The following CNTNAP2 variants were observed in gnomAD, a reference collection of about 807,000 sequenced individuals.
CNTNAP2 encodes contactin-associated protein-like 2.
In CNTNAP2, 98 loss-of-function variants were observed where a neutral mutation model predicts 155.2. The observed-to-expected ratio is 0.63, with a 90% CI of 0.54 to 0.75. The LOEUF (loss-of-function observed/expected upper bound fraction) is 0.75. Among genes scored for constraint, CNTNAP2 ranks in the 30% least tolerant of loss-of-function variants. The pLI is 0.00. For synonymous variants in CNTNAP2, 651 were observed against 631.2 expected (o/e 1.03, Z -0.47); for missense variants, 1,727 against 1,688.1 (o/e 1.02, Z -0.40).
chr7:146,975,833 A>G (rs1797899598), intron 3 of CNTNAP2, among the ~76,000 whole-genome samples: 6 of 152,174 alleles, frequency 3.9e-5, no homozygotes, highest in Admixed American at 3.9e-4. Flanking sequence ...AAGTCCCAAA[A>G]TAGTGTTTAA....
At chr7:148,297,604 G>A (rs186420369) in intron 21 of CNTNAP2, among the ~76,000 whole-genome samples, 4 of 152,244 alleles carry the variant, frequency 2.6e-5, no homozygotes, top group Admixed American at 2.6e-4. Context: ...AAAAAAAGTA[G>A]GGGTTTGTTC....
At chr7:148,063,174 A>C (rs1803188621) in intron 15 of CNTNAP2, among the ~76,000 whole-genome samples, 1 of 152,040 alleles carries the variant, frequency 6.6e-6, no homozygotes, top group African/African-American at 2.4e-5. Flanking sequence ...GTGTGGTCCT[A>C]CTGTCTTCTG....
At chr7:146,487,522 A>G (rs1447181111) in intron 1 of CNTNAP2, among the ~76,000 whole-genome samples, 1 of 152,232 alleles carries the variant, frequency 6.6e-6, no homozygotes, top group Non-Finnish European at 1.5e-5. Flanking sequence ...TTTCTTTAAC[A>G]AACAGTTTAG....
At chr7:146,391,135 A>G (rs1267730614) in intron 1 of CNTNAP2, among the ~76,000 whole-genome samples, 1 of 147,954 alleles carries the variant, frequency 6.8e-6, no homozygotes, top group Non-Finnish European at 1.5e-5. Flanking sequence ...TATTTATTAT[A>G]TATTTTATAT....
At chr7:147,144,891 G>A (rs1051388363) in intron 8 of CNTNAP2, among the ~76,000 whole-genome samples, 1 of 152,140 alleles carries the variant, frequency 6.6e-6, no homozygotes, top group Non-Finnish European at 1.5e-5. Flanking sequence ...GGTGTGTGCA[G>A]GAGTACATGC....
At position 146,287,067 on chromosome 7, in the gene CNTNAP2, G is replaced by A. The variant is rs117677338; in HGVS notation, c.97+170094G>A. 9.8e-3 allele frequency among the ~76,000 whole-genome samples: 1,486 copies of A among 152,244 alleles called. 7 individuals are homozygous for A. The highest frequency in any genetic ancestry group is 0.02 in the Middle Eastern group (6 of 294). ...TGCTAAGAGTCACCTAAAAGCAACT[G>A]CAAAATGAATGTGAACTTAAAGTAA... is the stretch of plus-strand genomic sequence containing the variant. On this transcript the variant is annotated intron_variant, in intron 1 of 23. Coordinates refer to ENST00000361727, the MANE Select transcript of CNTNAP2 (RefSeq NM_014141.6).
At chr7:147,237,950 G>C (rs1169206146) in intron 8 of CNTNAP2, among the ~76,000 whole-genome samples, 1 of 152,226 alleles carries the variant, frequency 6.6e-6, no homozygotes, top group Admixed American at 6.5e-5. Flanking sequence ...CCATGGGATA[G>C]TGCTAATGAC....
At chr7:146,167,860 C>T (rs1798335518) in intron 1 of CNTNAP2, among the ~76,000 whole-genome samples, 2 of 152,156 alleles carry the variant, frequency 1.3e-5, no homozygotes, top group Non-Finnish European at 2.9e-5. Flanking sequence ...GAAGCAATTA[C>T]AAGTCCCAAA....
chr7:147,427,900 C>T (rs1013887178), intron 10 of CNTNAP2, among the ~76,000 whole-genome samples: 38 of 151,818 alleles, frequency 2.5e-4, no homozygotes, highest in African/African-American at 9.2e-4. Context: ...ATATGCAAAC[C>T]TAAATATGTA....
At chr7:147,800,463 G>A (rs1308006927) in intron 13 of CNTNAP2, among the ~76,000 whole-genome samples, 4 of 151,596 alleles carry the variant, frequency 2.6e-5, no homozygotes, top group African/African-American at 9.7e-5. Flanking sequence ...TTAAGCAAAG[G>A]CAGCTCACTT....
At chr7:147,926,241 A>C (rs1336467352) in intron 14 of CNTNAP2, among the ~76,000 whole-genome samples, 5 of 152,120 alleles carry the variant, frequency 3.3e-5, no homozygotes, top group Admixed American at 3.3e-4. Context: ...ACCTCTCCCC[A>C]CGCCTCATCC....
intron 1 of CNTNAP2, among the ~76,000 whole-genome samples, chr7:146,336,590 C>T (rs577279523): frequency 3.3e-5 from 5 of 151,906 alleles, no homozygotes; most frequent in African/African-American, 9.7e-5. Context: ...AATATTTCAT[C>T]TACGAAAGTA....
intron 1 of CNTNAP2, among the ~76,000 whole-genome samples, chr7:146,694,466 C>T (rs1381216388): frequency 1.3e-5 from 2 of 152,128 alleles, no homozygotes; most frequent in African/African-American, 4.8e-5. Context: ...GATGTATTTG[C>T]CTATTCTTTC....
At chr7:147,005,335 A>G (rs1798505977) in intron 3 of CNTNAP2, among the ~76,000 whole-genome samples, 1 of 152,098 alleles carries the variant, frequency 6.6e-6, no homozygotes, top group African/African-American at 2.4e-5. Context: ...TTTATGATCC[A>G]TACACAATAA....
At chr7:148,273,408 C>A (rs756125005) in intron 21 of CNTNAP2, among the ~76,000 whole-genome samples, 1 of 152,178 alleles carries the variant, frequency 6.6e-6, no homozygotes, top group Non-Finnish European at 1.5e-5. Flanking sequence ...CAATGTACAG[C>A]GATCACCACA....
chr7:147,624,583 G>T (rs942014870), intron 12 of CNTNAP2, among the ~76,000 whole-genome samples: 2 of 152,056 alleles, frequency 1.3e-5, no homozygotes, highest in African/African-American at 4.8e-5. Context: ...AGTTAAAATG[G>T]CTTATATCCA....
chr7:146,814,093 A>G (rs1453390290), intron 2 of CNTNAP2, among the ~76,000 whole-genome samples: 2 of 152,206 alleles, frequency 1.3e-5, no homozygotes, highest in Non-Finnish European at 2.9e-5. Flanking sequence ...TCTTTATAGC[A>G]GCATAAGAAC....
chr7:147,139,030 G>T lies in CNTNAP2; in HGVS notation c.1348+6521G>T, dbSNP rs1801546241. On this transcript the variant is annotated intron_variant, in intron 8 of 23. Transcript: ENST00000361727. ...AAGAGAATAAAAATGAATTATGAAA[G>T]AATAGCAAAGAACATAGCCCAGGAA... 4.6e-5 allele frequency among the ~76,000 whole-genome samples: 7 copies of T among 151,896 alleles called. No homozygotes were observed. In the South Asian group the frequency reaches 1.4e-3, roughly 31 times the overall value.
intron 1 of CNTNAP2, among the ~76,000 whole-genome samples, chr7:146,689,556 C>T (rs1254617049): frequency 2.0e-5 from 3 of 151,996 alleles, no homozygotes; most frequent in African/African-American, 4.8e-5. Context: ...CTGTCTGTAC[C>T]TCATAATTAT....
Sources: gnomAD v4.1 joint callset for allele counts (sites outside exome capture counted in the v4.1 genomes callset) on GRCh38, gnomAD v4.1.1 for gene constraint, MANE v1.5 for transcripts, NCBI Gene and HGNC (gene_info 2026-07-23, HGNC 2026-07-21) for gene names.